Variants in SDK1 observed in about 807,000 individuals in gnomAD.
The protein encoded by SDK1 is sidekick cell adhesion molecule 1, also known as protein sidekick-1.
Under a neutral mutation model 245.5 loss-of-function variants are expected in SDK1, and 157 were observed. That is an observed-to-expected ratio of 0.64 (90% CI 0.56 to 0.73). The LOEUF (loss-of-function observed/expected upper bound fraction) is 0.73, where lower values mean the gene tolerates loss of function less well. Ranked by LOEUF, SDK1 falls within the 30% of genes least tolerant of loss-of-function variation. The pLI, the probability that SDK1 is intolerant of heterozygous loss-of-function variation, is 0.00. For synonymous variants in SDK1, 1,647 were observed against 1,278.5 expected (o/e 1.29, Z -6.15); for missense variants, 3,583 against 3,002.3 (o/e 1.19, Z -4.52).
chr7:4,145,897 C>A lies in SDK1; in HGVS notation c.4404C>A (p.Val1468=). Residue 1468 remains valine (V), a synonymous_variant, in exon 29 of 45, where the codon GTC becomes GTA. Coordinates refer to ENST00000404826, the MANE Select transcript of SDK1 (RefSeq NM_152744.4). ...GGGGGGAGCCACTGGAGGCCACCGT[C>A]ATCACCACCGAGAAGAGAGGTAAGA... ...QGWGEPLEAT[V]ITTEKRERPA... 1 of 1,585,716 alleles carries A rather than the reference C, an allele frequency of 6.3e-7. No individual in the cohort carries two copies. The highest frequency in any genetic ancestry group is 8.6e-7 in the Non-Finnish European group (1 of 1,165,946).
chr7:3,608,106 G>A (rs1781478726), intron 1 of SDK1, among the ~76,000 whole-genome samples: 1 of 152,230 alleles, frequency 6.6e-6, no homozygotes, highest in African/African-American at 2.4e-5. Flanking sequence ...ACCAGCTGGT[G>A]TGTTACTCAT....
intron 1 of SDK1, among the ~76,000 whole-genome samples, chr7:3,407,146 G>C (rs140107871): frequency 6.6e-6 from 1 of 152,130 alleles, no homozygotes; most frequent in Non-Finnish European, 1.5e-5. Flanking sequence ...TGATGCGTGG[G>C]GTGAAAGAAG....
chr7:3,791,865 T>G (rs1781102682), intron 4 of SDK1, among the ~76,000 whole-genome samples: 1 of 152,104 alleles, frequency 6.6e-6, no homozygotes, highest in South Asian at 2.1e-4. Context: ...GGCTCATGCA[T>G]GTAATCTCAG....
Position 3,573,172 on chromosome 7 carries a change from A to G in SDK1, c.299-45908A>G, listed in dbSNP as rs559952846. On this transcript the variant is annotated intron_variant, in intron 1 of 44. Coordinates refer to ENST00000404826, the MANE Select transcript of SDK1 (RefSeq NM_152744.4). The stretch of plus-strand genomic sequence containing the variant: ...TTAAATGGGGTGCTTATCTGATGAA[A>G]TACTTAGGAAGATTACCCTGGTCTC... 1.1e-4 allele frequency among the ~76,000 whole-genome samples: 17 copies of G among 152,206 alleles called. No homozygotes were observed. In the South Asian group the frequency reaches 1.7e-3, roughly 15 times the overall value.
intron 4 of SDK1, among the ~76,000 whole-genome samples, chr7:3,648,719 T>C (rs1003081501): frequency 1.3e-5 from 2 of 152,236 alleles, no homozygotes; most frequent in African/African-American, 4.8e-5. Flanking sequence ...ATAATGTGCT[T>C]TTAAAATTTT....
At chr7:3,486,973 T>C (rs977843953) in intron 1 of SDK1, among the ~76,000 whole-genome samples, 1 of 152,234 alleles carries the variant, frequency 6.6e-6, no homozygotes, top group African/African-American at 2.4e-5. Flanking sequence ...TTGTATTAGC[T>C]ATCTTTTTAT....
intron 25 of SDK1, 43 bp downstream of exon 25, chr7:4,114,317 G>T (rs1197903504): frequency 2.0e-6 from 3 of 1,479,294 alleles, no homozygotes; most frequent in Non-Finnish European, 2.7e-6. Flanking sequence ...CCGCATTAGA[G>T]ATGGGGCTGA....
intron 4 of SDK1, among the ~76,000 whole-genome samples, chr7:3,724,970 G>T (rs554445673): frequency 6.6e-6 from 1 of 152,208 alleles, no homozygotes; most frequent in African/African-American, 2.4e-5. Context: ...ATAGATTTTC[G>T]TGGACAGCCA....
intron 13 of SDK1, among the ~76,000 whole-genome samples, chr7:3,983,153 G>A (rs1223256627): frequency 2.0e-5 from 3 of 152,204 alleles, no homozygotes; most frequent in African/African-American, 7.2e-5. Flanking sequence ...GAACATTGTT[G>A]AAATGGCAAC....
intron 7 of SDK1, among the ~76,000 whole-genome samples, chr7:3,956,867 G>C (rs1781306689): frequency 6.6e-6 from 1 of 152,186 alleles, no homozygotes; most frequent in Non-Finnish European, 1.5e-5. Flanking sequence ...ACTGTGTGGA[G>C]TGCCCGTCTC....
At chr7:4,231,806 T>C (rs1298080856) in intron 40 of SDK1, among the ~76,000 whole-genome samples, 2 of 152,158 alleles carry the variant, frequency 1.3e-5, no homozygotes, top group Non-Finnish European at 2.9e-5. Context: ...TTCTGCCTAT[T>C]TACTGTTGGG....
chr7:3,765,358 C>A (rs535799738), intron 4 of SDK1, among the ~76,000 whole-genome samples: 1 of 152,132 alleles, frequency 6.6e-6, no homozygotes, highest in South Asian at 2.1e-4. Context: ...ACAGTATTTG[C>A]ATCCTTACCA....
chr7:3,970,872 G>A (rs1014761480), intron 11 of SDK1, among the ~76,000 whole-genome samples: 3 of 152,174 alleles, frequency 2.0e-5, no homozygotes, highest in Non-Finnish European at 4.4e-5. Context: ...CTCTGTTCCT[G>A]GAAGCAGAGC....
intron 1 of SDK1, among the ~76,000 whole-genome samples, chr7:3,326,736 C>T (rs1779950016): frequency 6.6e-6 from 1 of 152,050 alleles, no homozygotes. Context: ...GAGTATGCAT[C>T]TATCACTCAG....
At chr7:3,318,598 A>G (rs577099695) in intron 1 of SDK1, among the ~76,000 whole-genome samples, 19 of 152,166 alleles carry the variant, frequency 1.2e-4, no homozygotes, top group Non-Finnish European at 2.6e-4. Flanking sequence ...CTTTTGTCTT[A>G]CCTTGGTTGT....
chr7:3,482,375 T>C (rs572384876), intron 1 of SDK1, among the ~76,000 whole-genome samples: 2 of 152,074 alleles, frequency 1.3e-5, no homozygotes, highest in South Asian at 2.1e-4. Flanking sequence ...GGGCCGGGAG[T>C]GTCTGCTTTG....
intron 27 of SDK1, among the ~76,000 whole-genome samples, chr7:4,131,520 A>T (rs1784819862): frequency 6.6e-6 from 1 of 152,350 alleles, no homozygotes. Context: ...GCGGCCCAGA[A>T]CGACGAACAT....
intron 1 of SDK1, among the ~76,000 whole-genome samples, chr7:3,603,892 T>C (rs1052058052): frequency 1.3e-5 from 2 of 152,122 alleles, no homozygotes; most frequent in Non-Finnish European, 1.5e-5. Context: ...TTAACATGAA[T>C]GGTTGTTGAA....
chr7:3,922,406 C>A (rs1779624286), intron 5 of SDK1, among the ~76,000 whole-genome samples: 1 of 152,210 alleles, frequency 6.6e-6, no homozygotes, highest in East Asian at 1.9e-4. Flanking sequence ...TTACTTACAG[C>A]AAGAAAACCA....
Sources: allele counts gnomAD v4.1 joint callset (sites outside exome capture counted in the v4.1 genomes callset), GRCh38; gene constraint gnomAD v4.1.1; transcripts MANE v1.5; gene names NCBI Gene and HGNC (gene_info 2026-07-23, HGNC 2026-07-21).